The following DCP2 variants were observed in gnomAD, a reference collection of about 807,000 sequenced individuals.
DCP2 encodes decapping mRNA 2.
In DCP2, 30 loss-of-function variants were observed where a neutral mutation model predicts 56.1. The ratio of observed to expected loss-of-function variants is 0.53; its 90% confidence interval spans 0.40 to 0.73. The LOEUF is 0.73. DCP2 is among the 30% of genes least tolerant of loss of function. DCP2 has a pLI of 0.00. For synonymous variants in DCP2, 197 were observed against 163.3 expected (o/e 1.21, Z -1.57); for missense variants, 533 against 502.7 (o/e 1.06, Z -0.58).
rs1352339761 is a variant in DCP2 at position 113,021,520 on chromosome 5, A to ATATT, written c.*8039_*8042dup. ...AGGGCTTGAGATGTGAATTCATTAG[A>ATATT]TATTTAAAATCCAGCAATTCTTAAG... On this transcript the variant is annotated 3_prime_UTR_variant, in exon 11 of 11. Coordinates refer to ENST00000389063, the MANE Select transcript of DCP2 (RefSeq NM_152624.6). Among the ~76,000 whole-genome samples, 4 of 152,284 alleles carry ATATT rather than the reference A, an allele frequency of 2.6e-5. No individual in the cohort carries two copies. Among genetic ancestry groups the ATATT allele is most frequent in the Admixed American group, 2.6e-4 (4 of 15,280 alleles).
chr5:112,987,343 C>T (rs560390215), intron 2 of DCP2, among the ~76,000 whole-genome samples: 14 of 152,248 alleles, frequency 9.2e-5, no homozygotes, highest in Admixed American at 4.6e-4. Context: ...AATTGAACAG[C>T]GTCCTCTCAT....
intron 1 of DCP2, among the ~76,000 whole-genome samples, chr5:112,982,832 T>G (rs959552753): frequency 2.4e-4 from 37 of 152,236 alleles, no homozygotes; most frequent in Non-Finnish European, 4.4e-5. Context: ...TAAAAAACTT[T>G]CTTGTCATGC....
intron 2 of DCP2, 71 bp downstream of exon 2, chr5:112,986,057 T>C (rs1748268793): frequency 1.4e-6 from 2 of 1,428,136 alleles, no homozygotes; most frequent in Non-Finnish European, 1.9e-6. Context: ...TTCTTTTTGC[T>C]TGCCTTTTCA....
chr5:112,990,864 A>G (rs187619305), intron 2 of DCP2, among the ~76,000 whole-genome samples: 7 of 146,148 alleles, frequency 4.8e-5, no homozygotes, highest in Non-Finnish European at 1.5e-5. Flanking sequence ...ATTCAAATTA[A>G]TAAAATGAAT....
chr5:113,010,896 T>G (rs1749656423), intron 10 of DCP2, 89 bp downstream of exon 10: 4 of 1,346,900 alleles, frequency 3.0e-6, no homozygotes, highest in Non-Finnish European at 4.1e-6. Context: ...GTATGTGATC[T>G]GTGATAGTTA....
At chr5:112,987,907 G>A (rs954372459) in intron 2 of DCP2, among the ~76,000 whole-genome samples, 1 of 151,888 alleles carries the variant, frequency 6.6e-6, no homozygotes, top group Non-Finnish European at 1.5e-5. Flanking sequence ...GGGATTATAG[G>A]TGCTACCGCA....
chr5:113,003,845 T>A (rs963124985), intron 7 of DCP2, 97 bp from the exon 8 acceptor site: 63 of 1,375,908 alleles, frequency 4.6e-5, no homozygotes, highest in Non-Finnish European at 6.0e-5. Flanking sequence ...AGACAGTAAA[T>A]AAGAAAATAT....
At chr5:113,003,402 A>C (rs1293891413) in intron 7 of DCP2, among the ~76,000 whole-genome samples, 1 of 152,106 alleles carries the variant, frequency 6.6e-6, no homozygotes, top group Non-Finnish European at 1.5e-5. Context: ...TGTGGTCTGT[A>C]ACTGACTTGT....
At chr5:112,984,803 C>T (rs1200680021) in intron 1 of DCP2, among the ~76,000 whole-genome samples, 2 of 133,154 alleles carry the variant, frequency 1.5e-5, no homozygotes, top group African/African-American at 3.1e-5. Flanking sequence ...CACCTCGGCT[C>T]AAGTGATCCT....
At chr5:112,983,504 CA>C (rs765213124) in intron 1 of DCP2, among the ~76,000 whole-genome samples, 6 of 152,162 alleles carry the variant, frequency 3.9e-5, no homozygotes, top group Admixed American at 6.5e-5. Flanking sequence ...CATGTACTAC[CA>C]TGCCTGGCAA....
In DCP2 at chr5:113,018,374, C is replaced by G. The variant is rs1749975361; in HGVS notation, c.*4890C>G. On this transcript the variant is annotated 3_prime_UTR_variant, in exon 11 of 11. Transcript: ENST00000389063. Reference sequence around the variant, plus strand: ...TCACCAATAAAAACATTCCATTTATCTTGGATCTTCTGTGGTTAGCAGAGG... The same window carrying G: ...TCACCAATAAAAACATTCCATTTATGTTGGATCTTCTGTGGTTAGCAGAGG... 1 of 152,166 alleles carries G rather than the reference C, an allele frequency of 6.6e-6. No homozygotes were observed. The highest frequency in any genetic ancestry group is 6.5e-5 in the Admixed American group (1 of 15,278). The allele number at this position is 152,166 out of a possible 1,614,324, so 9.4% of individuals were successfully genotyped here.
intron 1 of DCP2, among the ~76,000 whole-genome samples, chr5:112,977,909 G>T (rs1353395042): frequency 1.3e-5 from 2 of 151,794 alleles, no homozygotes; most frequent in African/African-American, 4.8e-5. Context: ...CCTTCATGCA[G>T]TTTTTTTTAA....
chr5:113,019,273 T>A lies in DCP2; in HGVS notation c.*5789T>A, dbSNP rs547625424. The A allele has an allele frequency of 7.2e-5, 11 of 152,328 alleles. No individual in the cohort carries two copies. The highest frequency in any genetic ancestry group is 2.1e-4 in the South Asian group (1 of 4,828). The allele number at this position is 152,328 out of a possible 1,614,324, so 9.4% of individuals were successfully genotyped here. Reference sequence around the variant, plus strand: ...TAAAGGTTCTCAACTGTGAATGAAATTTAGAAAGATAATTCTTCAGCAGTT... The same window carrying A: ...TAAAGGTTCTCAACTGTGAATGAAAATTAGAAAGATAATTCTTCAGCAGTT... On this transcript the variant is annotated 3_prime_UTR_variant, in exon 11 of 11. Transcript: ENST00000389063.
Position 113,014,333 on chromosome 5 carries a change from G to A in DCP2, c.*849G>A, listed in dbSNP as rs145150073. 18 of 152,292 alleles carry A rather than the reference G, an allele frequency of 1.2e-4. No homozygotes were observed. Among genetic ancestry groups the A allele is most frequent in the African/African-American group, 4.1e-4 (17 of 41,560 alleles). 9.4% of individuals were successfully genotyped at this position (152,292 alleles called of 1,614,324 possible). On this transcript the variant is annotated 3_prime_UTR_variant, in exon 11 of 11. Coordinates refer to ENST00000389063, the MANE Select transcript of DCP2 (RefSeq NM_152624.6). Reference sequence around the variant, plus strand: ...TTCTGTATTCCAGTTGTGTAAATATGTATGGAAAACTGATATTACTAGGTT... The same window carrying A: ...TTCTGTATTCCAGTTGTGTAAATATATATGGAAAACTGATATTACTAGGTT...
At chr5:112,999,503 T>C (rs1749030430) in intron 4 of DCP2, among the ~76,000 whole-genome samples, 1 of 152,098 alleles carries the variant, frequency 6.6e-6, no homozygotes, top group South Asian at 2.1e-4. Context: ...TAATTTTGTA[T>C]TTTTAGTAGA....
chr5:112,978,992 A>C (rs991191332), intron 1 of DCP2, among the ~76,000 whole-genome samples: 3 of 152,216 alleles, frequency 2.0e-5, no homozygotes, highest in African/African-American at 4.8e-5. Context: ...CTAGGATTAC[A>C]TCATTTAAAT....
rs1469909602 is a variant in DCP2, at chr5:113,001,090, G to C, written c.439G>C (p.Glu147Gln). 6.3e-7 allele frequency: 1 copy of C among 1,598,684 alleles called. No homozygotes were observed. Among genetic ancestry groups the C allele is most frequent in the Non-Finnish European group, 8.5e-7 (1 of 1,173,982 alleles). ...CCAAATTTGTTGTTTCCAGGTCTTT[G>C]AAGAAACTGGTTTTGATATCAAAGA... Reference protein sequence around the residue: ...PHDCAAREVFEETGFDIKDYI... With the variant: ...PHDCAAREVFQETGFDIKDYI... Residue 147 changes from glutamate to glutamine, a missense_variant, in exon 5 of 11, where the codon GAA becomes CAA. Glu to Gln is a conservative substitution (Grantham distance 29, BLOSUM62 2). Coordinates refer to ENST00000389063, the MANE Select transcript of DCP2 (RefSeq NM_152624.6).
At chr5:112,991,477 G>A in intron 2 of DCP2, among the ~76,000 whole-genome samples, 1 of 152,120 alleles carries the variant, frequency 6.6e-6, no homozygotes, top group Non-Finnish European at 1.5e-5. Flanking sequence ...AACTGGCTAT[G>A]TTTTCCTTAA....
chr5:112,991,537 T>C (rs551692876), intron 2 of DCP2, among the ~76,000 whole-genome samples: 1 of 152,216 alleles, frequency 6.6e-6, no homozygotes, highest in African/African-American at 2.4e-5. Context: ...TTGTTAAAAG[T>C]GTTCTTCATT....
Sources: gnomAD v4.1 joint callset for allele counts (sites outside exome capture counted in the v4.1 genomes callset) on GRCh38, gnomAD v4.1.1 for gene constraint, MANE v1.5 for transcripts, NCBI Gene and HGNC (gene_info 2026-07-23, HGNC 2026-07-21) for gene names.